Variants in LRRC7 observed in about 807,000 individuals in gnomAD.
LRRC7 encodes leucine-rich repeat-containing protein 7.
In LRRC7, 23 loss-of-function variants were observed where a neutral mutation model predicts 175.7. The observed-to-expected ratio is 0.13, with a 90% confidence interval of 0.09 to 0.19. The LOEUF is 0.19. Among genes scored for constraint, LRRC7 ranks in the 10% least tolerant of loss-of-function variants. The pLI is 1.00. For synonymous variants in LRRC7, 685 were observed against 680.9 expected, an observed-to-expected ratio of 1.01 and a Z score of -0.09; for missense variants, 1,354 against 1,904.7, an observed-to-expected ratio of 0.71 and a Z score of 5.38.
At chr1:69,995,909 G>A (rs1274428256) in intron 11 of LRRC7, among the ~76,000 whole-genome samples, 22 of 150,168 alleles carry the variant, frequency 1.5e-4, no homozygotes, top group Admixed American at 1.5e-3. Context: ...AGTCCTTTGG[G>A]TATATACCCA....
intron 7 of LRRC7, among the ~76,000 whole-genome samples, chr1:69,885,058 G>T (rs1296446891): frequency 7.6e-6 from 1 of 131,490 alleles, no homozygotes; most frequent in Admixed American, 7.9e-5. Context: ...GTTCATCAAG[G>T]ATATTGGTCT....
chr1:69,836,078 G>T (rs544390258), intron 6 of LRRC7, among the ~76,000 whole-genome samples: 162 of 152,044 alleles, frequency 1.1e-3, no homozygotes, highest in Non-Finnish European at 2.0e-3. Flanking sequence ...CTTTGAAATT[G>T]TTCAAATAAT....
chr1:69,753,825 T>A (rs576379631), intron 2 of LRRC7, among the ~76,000 whole-genome samples: 2 of 152,172 alleles, frequency 1.3e-5, no homozygotes, highest in East Asian at 3.9e-4. Flanking sequence ...ATGATCAAAG[T>A]GAATTACAGC....
intron 23 of LRRC7, among the ~76,000 whole-genome samples, chr1:70,053,351 A>G (rs1660890139): frequency 6.6e-6 from 1 of 152,208 alleles, no homozygotes; most frequent in African/African-American, 2.4e-5. Context: ...TTGGTAATGA[A>G]TGTTTACAAA....
Position 70,021,224 on chromosome 1 carries a change from C to G in LRRC7, c.1545+95C>G, listed in dbSNP as rs906270755. 7.4e-6 allele frequency: 9 copies of G among 1,215,746 alleles called. No individual in the cohort carries two copies. In the South Asian group the frequency reaches 1.3e-4, roughly 17 times the overall value. The allele number at this position is 1,215,746 out of a possible 1,614,324, so 75.3% of individuals were successfully genotyped here. Reference sequence around the variant, plus strand: ...ATAGATTTTGGGACAAAGTCAGATACTTCTTCAAGTCTCATGGCGGTACCT... The same window carrying G: ...ATAGATTTTGGGACAAAGTCAGATAGTTCTTCAAGTCTCATGGCGGTACCT... On this transcript the variant is annotated intron_variant, in intron 16 of 26. Coordinates refer to ENST00000651989, the MANE Select transcript of LRRC7 (RefSeq NM_001370785.2).
At chr1:69,692,988 A>G (rs2100663579) in intron 2 of LRRC7, among the ~76,000 whole-genome samples, 1 of 152,280 alleles carries the variant, frequency 6.6e-6, no homozygotes, top group East Asian at 1.9e-4. Flanking sequence ...GAGCTGGGAC[A>G]TCCATCTTCT....
chr1:69,969,444 C>T (rs908959513), intron 8 of LRRC7, among the ~76,000 whole-genome samples: 1 of 151,984 alleles, frequency 6.6e-6, no homozygotes, highest in African/African-American at 2.4e-5. Context: ...AAAAGACACC[C>T]CATGCAAATG....
chr1:70,095,246 G>A (rs1287869671), intron 25 of LRRC7, among the ~76,000 whole-genome samples: 8 of 152,084 alleles, frequency 5.3e-5, no homozygotes, highest in African/African-American at 1.7e-4. Context: ...TTAGGAAGAC[G>A]CTGAAACAGT....
intron 1 of LRRC7, among the ~76,000 whole-genome samples, chr1:69,652,914 G>A (rs993328425): frequency 6.6e-6 from 1 of 151,940 alleles, no homozygotes; most frequent in Non-Finnish European, 1.5e-5. Flanking sequence ...AATAGTGTGG[G>A]GAAAGCTGAA....
intron 7 of LRRC7, among the ~76,000 whole-genome samples, chr1:69,913,260 C>T (rs1423064160): frequency 6.6e-6 from 1 of 152,136 alleles, no homozygotes; most frequent in Admixed American, 6.5e-5. Context: ...AATTTGGTCA[C>T]ATATCCTTTT....
chr1:69,634,108 G>T (rs1163773843), intron 1 of LRRC7, among the ~76,000 whole-genome samples: 1 of 151,944 alleles, frequency 6.6e-6, no homozygotes, highest in Non-Finnish European at 1.5e-5. Flanking sequence ...CTTACAATCT[G>T]TCATGTGCTA....
In LRRC7 at chr1:70,081,780, A is replaced by G. The variant is rs1055388249; in HGVS notation, c.4452+5482A>G. On this transcript the variant is annotated intron_variant, in intron 24 of 26. Transcript: ENST00000651989. ...GACAAGGGGACCTCCCTAACATATC[A>G]AAATGGCAGGAGCCCAACCAACCTA... Among the ~76,000 whole-genome samples the G allele has an allele frequency of 5.9e-5, 9 of 152,178 alleles. No homozygotes were observed. The East Asian group carries it at 1.5e-3, about 26-fold the overall frequency.
At chr1:69,851,110 G>A (rs770943056) in intron 7 of LRRC7, among the ~76,000 whole-genome samples, 2 of 152,096 alleles carry the variant, frequency 1.3e-5, no homozygotes, top group Non-Finnish European at 2.9e-5. Context: ...GGAGTCAATT[G>A]TACCAAATGT....
At position 69,650,535 on chromosome 1, in the gene LRRC7, G is replaced by A. The variant is rs576642369; in HGVS notation, c.3-27846G>A. ...AGCCTGGGCGAAAAAGAGAGACTCC[G>A]TCTCAAAAAAAAAAAAAAATGCCAA... On this transcript the variant is annotated intron_variant, in intron 1 of 26. Transcript: ENST00000651989. 5.5e-4 allele frequency among the ~76,000 whole-genome samples: 17 copies of A among 30,688 alleles called. 1 individual carries two copies. In the East Asian group the frequency reaches 0.01, roughly 19 times the overall value. 20.1% of individuals were successfully genotyped at this position (30,688 alleles called of 152,430 possible).
intron 1 of LRRC7, among the ~76,000 whole-genome samples, chr1:69,648,423 A>G (rs987491061): frequency 6.6e-5 from 10 of 152,016 alleles, no homozygotes; most frequent in Non-Finnish European, 1.5e-4. Flanking sequence ...CTGAAAACCA[A>G]TTATTGTCCT....
At chr1:70,087,610 C>T (rs1344631451) in intron 24 of LRRC7, among the ~76,000 whole-genome samples, 1 of 151,960 alleles carries the variant, frequency 6.6e-6, no homozygotes, top group Non-Finnish European at 1.5e-5. Flanking sequence ...TATAAAAATA[C>T]AAAGTATTAT....
intron 2 of LRRC7, among the ~76,000 whole-genome samples, chr1:69,737,572 C>A (rs569538057): frequency 2.6e-5 from 4 of 152,200 alleles, no homozygotes; most frequent in Non-Finnish European, 4.4e-5. Flanking sequence ...GAGACTCCCC[C>A]ACATGGCTGC....
rs116675145 is a variant in LRRC7, at chr1:70,036,766, C to T, written c.2288+142C>T. Reference sequence around the variant, plus strand: ...AAGGGGCAGGTAAGCAAATGTTGTTCGCCTGGGACTGCCAGGAACAGATGA... The same window carrying T: ...AAGGGGCAGGTAAGCAAATGTTGTTTGCCTGGGACTGCCAGGAACAGATGA... On this transcript the variant is annotated intron_variant, in intron 20 of 26. Coordinates refer to ENST00000651989, the MANE Select transcript of LRRC7 (RefSeq NM_001370785.2). The T allele has an allele frequency of 3.3e-4, 275 of 826,970 alleles. No individual in the cohort carries two copies. The African/African-American group carries it at 4.2e-3, about 13-fold the overall frequency. The allele number at this position is 826,970 out of a possible 1,614,324, so 51.2% of individuals were successfully genotyped here.
chr1:70,084,814 T>C (rs1429943558), intron 24 of LRRC7, among the ~76,000 whole-genome samples: 1 of 152,134 alleles, frequency 6.6e-6, no homozygotes, highest in African/African-American at 2.4e-5. Context: ...TACCAGTACT[T>C]ATTATTGTTT....
Sources: allele counts gnomAD v4.1 joint callset (sites outside exome capture counted in the v4.1 genomes callset), GRCh38; gene constraint gnomAD v4.1.1; transcripts MANE v1.5; gene names NCBI Gene and HGNC (gene_info 2026-07-23, HGNC 2026-07-21).